Variants in ME1 observed in about 807,000 individuals in gnomAD.
ME1 encodes malic enzyme 1.
ME1 carries 74 observed loss-of-function variants against 66.4 expected under a neutral mutation model. That is an observed-to-expected ratio of 1.11 (90% CI 0.92 to 1.35). The LOEUF is 1.35. ME1 is among the 40% of genes most tolerant of loss of function. ME1 has a pLI of 0.00. For synonymous variants in ME1, 251 were observed against 235.6 expected (o/e 1.07, Z -0.60); for missense variants, 750 against 694.1 (o/e 1.08, Z -0.90).
At chr6:83,321,992 G>A (rs923439710) in intron 5 of ME1, among the ~76,000 whole-genome samples, 2 of 152,198 alleles carry the variant, frequency 1.3e-5, no homozygotes, top group African/African-American at 2.4e-5. Context: ...AGCCTCCGCT[G>A]GTGACACTAA....
At chr6:83,291,692 T>G (rs1294943840) in intron 6 of ME1, among the ~76,000 whole-genome samples, 1 of 152,202 alleles carries the variant, frequency 6.6e-6, no homozygotes, top group African/African-American at 2.4e-5. Context: ...GAAGTTCTCC[T>G]GCATAATATC....
chr6:83,416,452 T>G (rs190379424), intron 1 of ME1, among the ~76,000 whole-genome samples: 181 of 152,304 alleles, frequency 1.2e-3, no homozygotes, highest in Middle Eastern at 3.4e-3. Flanking sequence ...TCAGAGGCTT[T>G]TAACTTAAAA....
At chr6:83,241,426 C>A (rs1790506721) in intron 7 of ME1, among the ~76,000 whole-genome samples, 1 of 152,028 alleles carries the variant, frequency 6.6e-6, no homozygotes, top group Non-Finnish European at 1.5e-5. Flanking sequence ...CACTTACGGT[C>A]AGATAGACAG....
chr6:83,369,295 A>G (rs1009312897), intron 3 of ME1, among the ~76,000 whole-genome samples: 2 of 152,028 alleles, frequency 1.3e-5, no homozygotes, highest in African/African-American at 4.8e-5. Context: ...TACTGTAGGC[A>G]CTCTAAATGT....
chr6:83,319,920 T>C (rs1201066056), intron 5 of ME1, among the ~76,000 whole-genome samples: 1 of 152,234 alleles, frequency 6.6e-6, no homozygotes, highest in Non-Finnish European at 1.5e-5. Flanking sequence ...GTTTGATATG[T>C]GGGAACACAG....
chr6:83,242,189 C>T (rs1042589837), intron 7 of ME1, among the ~76,000 whole-genome samples: 1 of 152,140 alleles, frequency 6.6e-6, no homozygotes, highest in African/African-American at 2.4e-5. Context: ...TTAAAGAGGA[C>T]TTAACACTGT....
intron 5 of ME1, among the ~76,000 whole-genome samples, chr6:83,320,779 C>T (rs1768154737): frequency 1.3e-5 from 2 of 152,160 alleles, no homozygotes; most frequent in Admixed American, 1.3e-4. Context: ...AGTCTGACTA[C>T]AATGTAGTCG....
chr6:83,398,208 T>C (rs1769775640), intron 3 of ME1, among the ~76,000 whole-genome samples, 159 bp downstream of exon 3: 1 of 152,206 alleles, frequency 6.6e-6, no homozygotes, highest in African/African-American at 2.4e-5. Context: ...ATTCTACCAT[T>C]TCACAATGTA....
Position 83,303,101 on chromosome 6 carries a change from C to A in ME1, c.704+12209G>T, listed in dbSNP as rs553358413. ...TGAATCTGATCTTGAGATAAATGCA[C>A]AGGACAATAATGGGGTCACAGAAGA... is the stretch of plus-strand genomic sequence containing the variant. On this transcript the variant is annotated intron_variant, in intron 6 of 13. Coordinates refer to ENST00000369705, the MANE Select transcript of ME1 (RefSeq NM_002395.6). Among the ~76,000 whole-genome samples the A allele has an allele frequency of 2.0e-5, 3 of 152,150 alleles. No individual in the cohort carries two copies. The East Asian group carries it at 5.8e-4, about 29-fold the overall frequency.
Position 83,363,196 on chromosome 6 carries a change from C to T in ME1, c.363-11057G>A, listed in dbSNP as rs1042343126. ...TTTGCTTCCTGTTCCCACAAGATTA[C>T]GTTCTGCTGGCCTAGAGGTCTTAGT... On this transcript the variant is annotated intron_variant, in intron 3 of 13. Transcript: ENST00000369705. Among the ~76,000 whole-genome samples the T allele has an allele frequency of 3.3e-5, 5 of 152,130 alleles. No homozygotes were observed. The East Asian group carries it at 7.7e-4, about 23-fold the overall frequency.
chr6:83,346,190 C>A lies in ME1; in HGVS notation c.583G>T (p.Val195Leu). ...PQECLPVILD[V>L]GTENEELLKD... ...TTATTTACCTCATTTTCGGTTCCCACATCCAGAATGACAGGCAGACATTCT... is the reference window on the plus strand; with the variant it reads ...TTATTTACCTCATTTTCGGTTCCCAAATCCAGAATGACAGGCAGACATTCT... Residue 195 changes from valine to leucine, a missense_variant, in exon 5 of 14, where the codon GTG (valine) becomes TTG (leucine). By Grantham distance (32) the Val-to-Leu change is conservative. Coordinates refer to ENST00000369705, the MANE Select transcript of ME1 (RefSeq NM_002395.6). The A allele has an allele frequency of 6.2e-7, 1 of 1,608,620 alleles. No homozygotes were observed. The highest frequency in any genetic ancestry group is 8.5e-7 in the Non-Finnish European group (1 of 1,176,900).
At chr6:83,333,072 G>A (rs1768445576) in intron 5 of ME1, among the ~76,000 whole-genome samples, 1 of 152,048 alleles carries the variant, frequency 6.6e-6, no homozygotes, top group Non-Finnish European at 1.5e-5. Flanking sequence ...CTTATTAACT[G>A]GCAGCTAATT....
intron 6 of ME1, among the ~76,000 whole-genome samples, chr6:83,291,250 G>A (rs1476137371): frequency 6.6e-6 from 1 of 152,152 alleles, no homozygotes; most frequent in Non-Finnish European, 1.5e-5. Flanking sequence ...TTTTGCAGTG[G>A]CTGGTACCAG....
rs545116714 is a variant in ME1 at position 83,282,266 on chromosome 6, A to G, written c.705-28528T>C. 7.9e-5 allele frequency among the ~76,000 whole-genome samples: 12 copies of G among 152,362 alleles called. No homozygotes were observed. In the East Asian group the frequency reaches 2.3e-3, roughly 29 times the overall value. On this transcript the variant is annotated intron_variant, in intron 6 of 13. Transcript: ENST00000369705. Reference sequence around the variant, plus strand: ...AATGAAAGCAAAATTGACAAATGAGATCTAATTAAACTGAAGGGCTTCTGC... The same window carrying G: ...AATGAAAGCAAAATTGACAAATGAGGTCTAATTAAACTGAAGGGCTTCTGC...
intron 3 of ME1, among the ~76,000 whole-genome samples, chr6:83,369,719 GGA>G (rs1769161968): frequency 7.1e-6 from 1 of 141,112 alleles, no homozygotes; most frequent in Non-Finnish European, 1.6e-5. Context: ...AAGGAAGGAA[GGA>G]AGGAAATAAA....
At chr6:83,330,607 T>C (rs1458600494) in intron 5 of ME1, among the ~76,000 whole-genome samples, 1 of 152,208 alleles carries the variant, frequency 6.6e-6, no homozygotes, top group Non-Finnish European at 1.5e-5. Context: ...AAAACCATTC[T>C]ACTTCCTACT....
At position 83,315,378 on chromosome 6, in the gene ME1, C is replaced by T. The variant is rs749743632; in HGVS notation, c.636G>A (p.Arg212=). Residue 212 remains arginine (R), a synonymous_variant, in exon 6 of 14, where the codon CGG becomes CGA. Transcript: ENST00000369705. Reference sequence around the variant, plus strand: ...ATTCAGAACCTCTTACTCTTCTCTGCCGTAGTCCAATGTAGAGTGGATCTT... The same window carrying T: ...ATTCAGAACCTCTTACTCTTCTCTGTCGTAGTCCAATGTAGAGTGGATCTT... The part of the protein sequence containing the change: ...LLKDPLYIGL[R]QRRVRGSEYD... 6.2e-7 allele frequency: 1 copy of T among 1,611,156 alleles called. No individual in the cohort carries two copies. The highest frequency in any genetic ancestry group is 1.3e-5 in the African/African-American group (1 of 74,774).
At chr6:83,390,580 T>C (rs934285638) in intron 3 of ME1, among the ~76,000 whole-genome samples, 2 of 152,136 alleles carry the variant, frequency 1.3e-5, no homozygotes, top group Non-Finnish European at 2.9e-5. Flanking sequence ...ATTATTTTAC[T>C]GGAAAACTTC....
chr6:83,406,290 C>CT (rs1769942887), intron 2 of ME1, among the ~76,000 whole-genome samples: 1 of 152,198 alleles, frequency 6.6e-6, no homozygotes, highest in African/African-American at 2.4e-5. Context: ...CTGATGTTTT[C>CT]TTTTTTTGTT....
Sources: gnomAD v4.1 joint callset for allele counts (sites outside exome capture counted in the v4.1 genomes callset) on GRCh38, gnomAD v4.1.1 for gene constraint, MANE v1.5 for transcripts, NCBI Gene and HGNC (gene_info 2026-07-23, HGNC 2026-07-21) for gene names.